The following CALCOCO2 variants were observed in gnomAD, a reference collection of about 807,000 sequenced individuals.
CALCOCO2 encodes the protein calcium-binding and coiled-coil domain-containing protein 2.
CALCOCO2 carries 42 observed loss-of-function variants against 62.5 expected under a neutral mutation model. The ratio of observed to expected loss-of-function variants is 0.67; its 90% confidence interval spans 0.53 to 0.87. The LOEUF (loss-of-function observed/expected upper bound fraction) is 0.87, where lower values mean the gene tolerates loss of function less well. CALCOCO2 is among the 40% of genes least tolerant of loss of function. The pLI, the probability that CALCOCO2 is intolerant of heterozygous loss-of-function variation, is 0.00. For missense variants in CALCOCO2, 456 were observed against 515.0 expected, an observed-to-expected ratio of 0.89 and a Z score of 1.11; for synonymous variants, 167 against 173.0, an observed-to-expected ratio of 0.97 and a Z score of 0.27.
intron 8 of CALCOCO2, 76 bp downstream of exon 8, chr17:48,852,704 T>C: frequency 7.6e-7 from 1 of 1,323,880 alleles, no homozygotes; most frequent in Non-Finnish European, 1.1e-6. Context: ...AAAGAACATT[T>C]TAATGTTCTT....
rs774309869 is a variant in CALCOCO2 at position 48,856,072 on chromosome 17, A to AT, written c.913-12dup. On this transcript the variant is annotated intron_variant, in intron 9 of 12. Coordinates refer to ENST00000258947, the MANE Select transcript of CALCOCO2 (RefSeq NM_005831.5). ...ACTGCAATATGTGATCCTAATCCTA[A>AT]TTTTTTTTATTGTTGACAGGATGAA... The AT allele has an allele frequency of 2.0e-4, 277 of 1,380,912 alleles. No homozygotes were observed. Among genetic ancestry groups the AT allele is most frequent in the Non-Finnish European group, 1.7e-4 (166 of 978,426 alleles). 85.5% of individuals were successfully genotyped at this position (1,380,912 alleles called of 1,614,324 possible).
intron 6 of CALCOCO2, 111 bp downstream of exon 6, chr17:48,851,288 G>A (rs2040126317): frequency 2.8e-6 from 2 of 713,002 alleles, no homozygotes; most frequent in South Asian, 1.6e-5. Flanking sequence ...TTATGACATT[G>A]ATGATGTGAT....
At chr17:48,842,600 T>C (rs2039990142) in intron 2 of CALCOCO2, 2 of 147,794 alleles carry the variant, frequency 1.4e-5, no homozygotes, top group South Asian at 4.4e-4. Flanking sequence ...GCCTTTTCAG[T>C]AGCTGGGACT....
Position 48,863,110 on chromosome 17 carries a change from G to A in CALCOCO2, c.*105G>A. ...ATCCTGCCTAACCTGAAATTATTAG[G>A]GATTTACTCAGCCCTGCTGCCGCTA... On this transcript the variant is annotated 3_prime_UTR_variant, in exon 13 of 13. Transcript: ENST00000258947. The A allele has an allele frequency of 4.6e-6, 4 of 877,822 alleles. No homozygotes were observed. Among genetic ancestry groups the A allele is most frequent in the South Asian group, 2.8e-5 (2 of 72,460 alleles). 54.4% of individuals were successfully genotyped at this position (877,822 alleles called of 1,614,324 possible). A position where few individuals can be genotyped will look rare whatever the true frequency, so the allele number is the denominator to read the frequency against.
At chr17:48,831,188 C>T (rs995338488) in intron 1 of CALCOCO2, 110 bp downstream of exon 1, 1 of 152,448 alleles carries the variant, frequency 6.6e-6, no homozygotes, top group Non-Finnish European at 1.5e-5. Context: ...TTTCGGTTCT[C>T]ACCGCAGTTC....
In CALCOCO2 at chr17:48,854,382, T is replaced by TTATATATA. The variant is rs201839175; in HGVS notation, c.912+1378_912+1385dup. 6.0e-3 allele frequency among the ~76,000 whole-genome samples: 36 copies of TTATATATA among 5,988 alleles called. 3 individuals carry two copies. In the South Asian group the frequency reaches 0.11, roughly 18 times the overall value. 3.9% of individuals were successfully genotyped at this position (5,988 alleles called of 152,430 possible). On this transcript the variant is annotated intron_variant, in intron 9 of 12. Transcript: ENST00000258947. ...ATGGATTTCCTTGGTTTTCTTTTAT[T>TTATATATA]TATATATATATATATTTTTTTTTTT...
intron 1 of CALCOCO2, among the ~76,000 whole-genome samples, chr17:48,834,983 C>A (rs775880017): frequency 2.6e-5 from 4 of 152,090 alleles, no homozygotes; most frequent in Non-Finnish European, 4.4e-5. Context: ...GAGGTTGAGG[C>A]TGCAGTGAGC....
chr17:48,846,168 G>GA, intron 2 of CALCOCO2: 5 of 770,110 alleles, frequency 6.5e-6, no homozygotes, highest in Non-Finnish European at 8.0e-6. Context: ...ACAGAGTCTT[G>GA]CTCTGTCACC....
intron 1 of CALCOCO2, chr17:48,831,626 A>T (rs569811868): frequency 1.3e-4 from 20 of 152,330 alleles, no homozygotes; most frequent in African/African-American, 4.6e-4. Context: ...GGCAGGAGGA[A>T]AGACGGTGTC....
chr17:48,837,554 G>A (rs1356486044), intron 1 of CALCOCO2, among the ~76,000 whole-genome samples: 1 of 152,060 alleles, frequency 6.6e-6, no homozygotes. Context: ...GCTGAAGCAG[G>A]AGAATTGCTT....
intron 7 of CALCOCO2, 67 bp from the exon 8 acceptor site, chr17:48,852,439 A>C: frequency 7.0e-7 from 1 of 1,419,644 alleles, no homozygotes; most frequent in Non-Finnish European, 9.8e-7. Context: ...TTGTACGTTA[A>C]AAAGCATTGT....
At position 48,840,525 on chromosome 17, in the gene CALCOCO2, C is replaced by T. The variant is rs2039962845; in HGVS notation, c.-10-1173C>T. 2.0e-5 allele frequency among the ~76,000 whole-genome samples: 3 copies of T among 152,326 alleles called. No homozygotes were observed. In the South Asian group the frequency reaches 6.2e-4, roughly 32 times the overall value. On this transcript the variant is annotated intron_variant, in intron 1 of 12. Coordinates refer to ENST00000258947, the MANE Select transcript of CALCOCO2 (RefSeq NM_005831.5). Reference sequence around the variant, plus strand: ...CCCCATTTATAGCTAGGGATCCAAACTTGTTTGCTGTCTTCCAAATGTGGG... The same window carrying T: ...CCCCATTTATAGCTAGGGATCCAAATTTGTTTGCTGTCTTCCAAATGTGGG...
intron 1 of CALCOCO2, among the ~76,000 whole-genome samples, chr17:48,838,951 A>G (rs573648987): frequency 6.6e-6 from 1 of 152,062 alleles, no homozygotes; most frequent in South Asian, 2.1e-4. Context: ...AGTGCATGTG[A>G]TTTGTTTAAG....
intron 5 of CALCOCO2, among the ~76,000 whole-genome samples, chr17:48,850,109 G>A (rs1341238080): frequency 6.6e-6 from 1 of 152,100 alleles, no homozygotes; most frequent in African/African-American, 2.4e-5. Context: ...GACCAGCCTG[G>A]CCAAGATGGT....
chr17:48,851,839 T>A (rs546270272), intron 7 of CALCOCO2: 2 of 461,050 alleles, frequency 4.3e-6, no homozygotes, highest in South Asian at 2.9e-5. Context: ...AAAAAAAAAA[T>A]CATGATTCAC....
chr17:48,862,695 CTTCA>C lies in CALCOCO2; in HGVS notation c.1174-134_1174-131del, dbSNP rs550290591. 4.1e-3 allele frequency: 2,815 copies of C among 681,300 alleles called. 13 individuals are homozygous for C. Among genetic ancestry groups the C allele is most frequent in the South Asian group, 8.2e-3 (461 of 56,014 alleles). The allele number at this position is 681,300 out of a possible 1,614,324, so 42.2% of individuals were successfully genotyped here. A position where few individuals can be genotyped will look rare whatever the true frequency, so the allele number is the denominator to read the frequency against. ...GTAAGCATCTTCAAATGTGCATTCT[CTTCA>C]TTCATTCACTATTTCTTGAGTGCCT... On this transcript the variant is annotated intron_variant, in intron 12 of 12. Coordinates refer to ENST00000258947, the MANE Select transcript of CALCOCO2 (RefSeq NM_005831.5).
At chr17:48,833,486 G>A (rs903952662) in intron 1 of CALCOCO2, among the ~76,000 whole-genome samples, 2 of 150,122 alleles carry the variant, frequency 1.3e-5, no homozygotes, top group East Asian at 2.0e-4. Flanking sequence ...GACAGAGGTT[G>A]TGGTGAGCTG....
chr17:48,855,165 ATAC>A (rs970216454), intron 9 of CALCOCO2, among the ~76,000 whole-genome samples: 14 of 152,310 alleles, frequency 9.2e-5, no homozygotes, highest in African/African-American at 3.4e-4. Context: ...GTCCCTGGAA[ATAC>A]TGGCCCCAAC....
chr17:48,834,152 G>GGCT (rs1019340576), intron 1 of CALCOCO2, among the ~76,000 whole-genome samples: 4 of 150,360 alleles, frequency 2.7e-5, no homozygotes, highest in Non-Finnish European at 4.4e-5. Context: ...AAGTAGAACA[G>GGCT]GCTGCTGTTC....
Sources: gnomAD v4.1 joint callset for allele counts (sites outside exome capture counted in the v4.1 genomes callset) on GRCh38, gnomAD v4.1.1 for gene constraint, MANE v1.5 for transcripts, NCBI Gene and HGNC (gene_info 2026-07-23, HGNC 2026-07-21) for gene names.